The following ARID5B variants were observed in gnomAD, a reference collection of about 807,000 sequenced individuals.
ARID5B encodes AT-rich interaction domain 5B.
ARID5B carries 13 observed loss-of-function variants against 97.2 expected under a neutral mutation model. That is an observed-to-expected ratio of 0.13 (90% confidence interval 0.09 to 0.21). ARID5B has a LOEUF of 0.21. Ranked by LOEUF, ARID5B falls within the 10% of genes least tolerant of loss-of-function variation. The probability of loss-of-function intolerance (pLI) is 1.00; values close to 1 mark genes in which losing one functional copy is unlikely to be tolerated. For missense variants in ARID5B, 1,210 were observed against 1,465.3 expected (o/e 0.83, Z 2.84); for synonymous variants, 556 against 570.3 (o/e 0.97, Z 0.36).
Position 61,921,540 on chromosome 10 carries a change from G to A in ARID5B, c.277-18643G>A, listed in dbSNP as rs149843786. 1.5e-3 allele frequency among the ~76,000 whole-genome samples: 235 copies of A among 152,334 alleles called. No homozygotes were observed. The Middle Eastern group carries it at 0.034, about 22-fold the overall frequency. On this transcript the variant is annotated intron_variant, in intron 2 of 9. Transcript: ENST00000279873. ...AACATGGCAACGGACTCCCCTCAGAGTGTAAGGTGTAGGAATGAGACACAA... is the reference window on the plus strand; with the variant it reads ...AACATGGCAACGGACTCCCCTCAGAATGTAAGGTGTAGGAATGAGACACAA...
At chr10:61,910,774 G>T (rs1431076665) in intron 2 of ARID5B, among the ~76,000 whole-genome samples, 3 of 152,204 alleles carry the variant, frequency 2.0e-5, no homozygotes, top group African/African-American at 7.2e-5. Flanking sequence ...AAAATCAGAT[G>T]CACTGTTAGC....
chr10:61,963,006 T>C (rs1045584115), intron 3 of ARID5B, among the ~76,000 whole-genome samples: 1 of 152,150 alleles, frequency 6.6e-6, no homozygotes, highest in Non-Finnish European at 1.5e-5. Context: ...TTTTTTCTTT[T>C]TTCTGGGAGT....
chr10:62,087,698 A>AAC (rs1840310283), intron 9 of ARID5B, among the ~76,000 whole-genome samples: 2 of 152,164 alleles, frequency 1.3e-5, no homozygotes, highest in African/African-American at 4.8e-5. Flanking sequence ...GCACATGTAC[A>AAC]ACACGCACCA....
At chr10:62,089,339 T>C (rs183504489) in intron 9 of ARID5B, among the ~76,000 whole-genome samples, 106 of 152,100 alleles carry the variant, frequency 7.0e-4, no homozygotes, top group Non-Finnish European at 1.1e-3. Flanking sequence ...TTTAAAGGGA[T>C]TTAAGGAAAA....
chr10:62,085,811 A>G lies in ARID5B; in HGVS notation c.1309A>G (p.Lys437Glu). The G allele has an allele frequency of 6.2e-7, 1 of 1,614,166 alleles. No individual in the cohort carries two copies. Among genetic ancestry groups the G allele is most frequent in the Non-Finnish European group, 8.5e-7 (1 of 1,180,028 alleles). The change falls in exon 9 of 10, where the codon AAA becomes GAA. Residue 437 changes from lysine (K) to glutamate (E), a missense_variant. Coordinates refer to ENST00000279873, the MANE Select transcript of ARID5B (RefSeq NM_032199.3). Reference sequence around the variant, plus strand: ...TTCACAGGAAAATGAGAACAAAACAAAAGTATCTGGAACCAAACGCATCAA... The same window carrying G: ...TTCACAGGAAAATGAGAACAAAACAGAAGTATCTGGAACCAAACGCATCAA... ...NSSQENENKT[K>E]VSGTKRIKHE... is the part of the protein sequence containing the mutation.
intron 2 of ARID5B, among the ~76,000 whole-genome samples, chr10:61,930,722 A>AAATAAATAAATAAAT (rs1844193528): frequency 1.4e-5 from 2 of 140,358 alleles, no homozygotes; most frequent in Non-Finnish European, 3.1e-5. Flanking sequence ...TCCGCCTCAA[A>AAATAAATAAATAAAT]AAATAAATAA....
intron 4 of ARID5B, among the ~76,000 whole-genome samples, chr10:62,033,983 A>G (rs1019121439): frequency 1.3e-5 from 2 of 152,190 alleles, no homozygotes; most frequent in Non-Finnish European, 2.9e-5. Context: ...AATTTTGCCA[A>G]CTTCACCAGT....
At chr10:61,910,632 CTGGACTA>C (rs1189021771) in intron 2 of ARID5B, among the ~76,000 whole-genome samples, 1 of 152,166 alleles carries the variant, frequency 6.6e-6, no homozygotes, top group East Asian at 1.9e-4. Context: ...CCCTCATGCC[CTGGACTA>C]TGAGCATCAG....
At chr10:61,985,469 T>C (rs1475467691) in intron 3 of ARID5B, among the ~76,000 whole-genome samples, 1 of 152,040 alleles carries the variant, frequency 6.6e-6, no homozygotes, top group Non-Finnish European at 1.5e-5. Context: ...AAATCCTTTT[T>C]TTTTAACCAC....
chr10:62,005,723 C>T (rs1839136803), intron 4 of ARID5B, among the ~76,000 whole-genome samples: 1 of 152,156 alleles, frequency 6.6e-6, no homozygotes, highest in African/African-American at 2.4e-5. Flanking sequence ...AAAGGAAATT[C>T]AGGACGTATA....
At chr10:62,036,311 G>A (rs1564633225) in intron 4 of ARID5B, among the ~76,000 whole-genome samples, 1 of 152,136 alleles carries the variant, frequency 6.6e-6, no homozygotes, top group Non-Finnish European at 1.5e-5. Context: ...GTGGCCTGTG[G>A]TCCATTTCTT....
chr10:62,061,481 G>A (rs1344364525), intron 7 of ARID5B, among the ~76,000 whole-genome samples: 2 of 152,178 alleles, frequency 1.3e-5, no homozygotes, highest in Non-Finnish European at 2.9e-5. Flanking sequence ...AGAGAAGGAT[G>A]GAGAGAAGAT....
At chr10:62,075,830 T>A (rs942345164) in intron 8 of ARID5B, among the ~76,000 whole-genome samples, 1 of 152,250 alleles carries the variant, frequency 6.6e-6, no homozygotes, top group Non-Finnish European at 1.5e-5. Context: ...ACATTTGGAA[T>A]GGGCAAGAAG....
chr10:62,027,025 T>C (rs887132529), intron 4 of ARID5B, among the ~76,000 whole-genome samples: 1 of 152,202 alleles, frequency 6.6e-6, no homozygotes, highest in Non-Finnish European at 1.5e-5. Flanking sequence ...GCATGACAAG[T>C]TGTATCACAG....
intron 4 of ARID5B, among the ~76,000 whole-genome samples, chr10:62,008,061 AAC>A (rs369982502): frequency 0.037 from 2,417 of 66,208 alleles, 64 homozygotes; most frequent in African/African-American, 0.085. Flanking sequence ...CCCGCCCCAC[AAC>A]ACACACACAC....
chr10:62,092,758 T>C lies in ARID5B; in HGVS notation c.3295T>C (p.Tyr1099His). 2 of 1,614,096 alleles carry C rather than the reference T, an allele frequency of 1.2e-6. No individual in the cohort carries two copies. Among genetic ancestry groups the C allele is most frequent in the Non-Finnish European group, 1.7e-6 (2 of 1,180,018 alleles). Reference sequence around the variant, plus strand: ...CCTCAACTCCAGGCTCCCGGCTGGGTATTCTCATTCTCTGCAGTACTTGAA... The same window carrying C: ...CCTCAACTCCAGGCTCCCGGCTGGGCATTCTCATTCTCTGCAGTACTTGAA... ...SGLNSRLPAG[Y>H]SHSLQYLKNQ... is the part of the protein sequence containing the mutation. Residue 1099 changes from tyrosine to histidine, a missense_variant, in exon 10 of 10, where the codon TAT becomes CAT. Tyr to His is a moderately conservative substitution (Grantham distance 83, BLOSUM62 2). This residue lies in a region of ARID5B where 800 missense variants were observed against 839.1 expected (regional missense o/e 0.95). Coordinates refer to ENST00000279873, the MANE Select transcript of ARID5B (RefSeq NM_032199.3).
intron 3 of ARID5B, among the ~76,000 whole-genome samples, chr10:61,954,908 A>T (rs1239678952): frequency 6.6e-6 from 1 of 151,946 alleles, no homozygotes; most frequent in African/African-American, 2.4e-5. Context: ...TGGGAGGCTG[A>T]GGCAGGAGAA....
chr10:62,054,238 C>CT (rs1036474352), intron 5 of ARID5B, among the ~76,000 whole-genome samples: 21 of 152,260 alleles, frequency 1.4e-4, no homozygotes, highest in African/African-American at 4.6e-4. Context: ...AACATGAAGA[C>CT]TAGCTCCCAT....
intron 3 of ARID5B, among the ~76,000 whole-genome samples, chr10:61,991,314 A>G (rs1838922455): frequency 6.6e-6 from 1 of 152,130 alleles, no homozygotes; most frequent in Admixed American, 6.5e-5. Flanking sequence ...CCCACCAACA[A>G]TGCACAGGGG....
Sources: allele counts gnomAD v4.1 joint callset (sites outside exome capture counted in the v4.1 genomes callset), GRCh38; gene constraint gnomAD v4.1.1; regional missense constraint gnomAD v4.1.1; transcripts MANE v1.5; gene names NCBI Gene and HGNC (gene_info 2026-07-23, HGNC 2026-07-21).